The following ATG7 variants were observed in gnomAD, a reference collection of about 807,000 sequenced individuals.
ATG7 encodes ubiquitin-like modifier-activating enzyme ATG7.
ATG7 carries 70 observed loss-of-function variants against 82.4 expected under a neutral mutation model. That is an observed-to-expected ratio of 0.85 (90% CI 0.70 to 1.04). The LOEUF (loss-of-function observed/expected upper bound fraction) is 1.04, where lower values mean the gene tolerates loss of function less well. ATG7 is among the 50% of genes least tolerant of loss of function. The probability of loss-of-function intolerance (pLI) is 0.00; values close to 1 mark genes in which losing one functional copy is unlikely to be tolerated. For synonymous variants in ATG7, 287 were observed against 313.0 expected (o/e 0.92, Z 0.88); for missense variants, 792 against 864.3 (o/e 0.92, Z 1.05).
intron 19 of ATG7, among the ~76,000 whole-genome samples, chr3:11,418,737 C>T (rs1056435601): frequency 2.6e-5 from 4 of 152,170 alleles, no homozygotes; most frequent in Admixed American, 6.5e-5. Flanking sequence ...TTTCACACTA[C>T]TATCAAGAAC....
intron 20 of ATG7, among the ~76,000 whole-genome samples, chr3:11,539,994 T>C (rs2070690852): frequency 6.6e-6 from 1 of 152,250 alleles, no homozygotes; most frequent in Non-Finnish European, 1.5e-5. Flanking sequence ...TTGGGTTGTT[T>C]CTAGTTTGGA....
chr3:11,549,407 G>A (rs936907008), intron 20 of ATG7, among the ~76,000 whole-genome samples: 5 of 152,156 alleles, frequency 3.3e-5, no homozygotes, highest in Admixed American at 1.3e-4. Flanking sequence ...GTACAGTCCA[G>A]CATGATTAAC....
chr3:11,329,043 C>T (rs951608179), intron 9 of ATG7, among the ~76,000 whole-genome samples: 4 of 152,134 alleles, frequency 2.6e-5, no homozygotes, highest in African/African-American at 4.8e-5. Flanking sequence ...TGCAGTGAGC[C>T]GAGATCGTGC....
intron 20 of ATG7, among the ~76,000 whole-genome samples, chr3:11,440,830 T>C (rs2083869408): frequency 6.6e-6 from 1 of 151,762 alleles, no homozygotes; most frequent in African/African-American, 2.4e-5. Flanking sequence ...ATTACAGGCA[T>C]CTGCTACCAT....
intron 1 of ATG7, among the ~76,000 whole-genome samples, chr3:11,273,487 T>TA (rs1223409734): frequency 6.6e-6 from 1 of 152,222 alleles, no homozygotes; most frequent in Non-Finnish European, 1.5e-5. Context: ...TGAAAGCTGC[T>TA]AGTTTGTCTT....
At position 11,527,092 on chromosome 3, in the gene ATG7, T is replaced by C. The variant is rs867126115; in HGVS notation, c.2080-27719T>C. 1.7e-3 allele frequency among the ~76,000 whole-genome samples: 246 copies of C among 142,230 alleles called. 3 individuals are homozygous for C. The Middle Eastern group carries it at 0.036, about 21-fold the overall frequency. The allele number at this position is 142,230 out of a possible 152,430, so 93.3% of individuals were successfully genotyped here. On this transcript the variant is annotated intron_variant, in intron 20 of 20. Transcript: ENST00000693202. ...GTGTGTATATATATATATATATATATACATACATATACATATACACACATT... is the reference window on the plus strand; with the variant it reads ...GTGTGTATATATATATATATATATACACATACATATACATATACACACATT...
chr3:11,349,170 G>T (rs556334934), intron 14 of ATG7, among the ~76,000 whole-genome samples: 2 of 152,244 alleles, frequency 1.3e-5, no homozygotes, highest in South Asian at 4.1e-4. Context: ...GACACACAGC[G>T]CTGATTGGTG....
chr3:11,444,646 C>G (rs2084344164), intron 20 of ATG7, among the ~76,000 whole-genome samples: 1 of 152,142 alleles, frequency 6.6e-6, no homozygotes. Context: ...GCCCTTACTT[C>G]TGGACATAGG....
intron 20 of ATG7, among the ~76,000 whole-genome samples, chr3:11,447,555 T>C (rs1046882650): frequency 1.3e-5 from 2 of 152,172 alleles, no homozygotes; most frequent in Admixed American, 6.5e-5. Flanking sequence ...GGGCATTTAG[T>C]GTCAAGACCA....
intron 20 of ATG7, among the ~76,000 whole-genome samples, chr3:11,451,906 C>G (rs1373307930): frequency 1.2e-4 from 18 of 150,854 alleles, no homozygotes; most frequent in Non-Finnish European, 2.7e-4. Flanking sequence ...CACACAGACA[C>G]ACACACACAC....
intron 20 of ATG7, among the ~76,000 whole-genome samples, chr3:11,464,631 A>G (rs2086653876): frequency 6.6e-6 from 1 of 152,230 alleles, no homozygotes; most frequent in African/African-American, 2.4e-5. Context: ...TAATTATACC[A>G]TTTAATTAAA....
chr3:11,533,219 CA>C (rs3214900), intron 20 of ATG7, among the ~76,000 whole-genome samples: 36,726 of 152,058 alleles, frequency 0.24, 4,846 homozygotes, highest in African/African-American at 0.34. Flanking sequence ...TGCTGACCCC[CA>C]AGCCCTCCTC....
chr3:11,409,818 G>A lies in ATG7; in HGVS notation c.1957-16986G>A, dbSNP rs567029167. On this transcript the variant is annotated intron_variant, in intron 19 of 20. Coordinates refer to ENST00000693202, the MANE Select transcript of ATG7 (RefSeq NM_001349232.2). ...TGTGGTTGTCCAGTTGCTACAGCAC[G>A]ATTTGTTGAACAGATTATCTTTTCT... Among the ~76,000 whole-genome samples the A allele has an allele frequency of 7.3e-5, 11 of 150,684 alleles. 1 individual carries two copies. The highest frequency in any genetic ancestry group is 2.2e-4 in the African/African-American group (9 of 40,980).
At chr3:11,326,820 C>G (rs1318697415) in intron 9 of ATG7, among the ~76,000 whole-genome samples, 1 of 152,160 alleles carries the variant, frequency 6.6e-6, no homozygotes, top group Non-Finnish European at 1.5e-5. Flanking sequence ...GACTGGAAAT[C>G]TTGTTCTCAG....
chr3:11,497,597 C>T (rs2090957444), intron 20 of ATG7, among the ~76,000 whole-genome samples: 1 of 150,152 alleles, frequency 6.7e-6, no homozygotes, highest in Non-Finnish European at 1.5e-5. Context: ...AGTCTTTACC[C>T]TATCTCACTT....
intron 19 of ATG7, among the ~76,000 whole-genome samples, chr3:11,414,708 A>G (rs1009071391): frequency 1.3e-5 from 2 of 152,090 alleles, no homozygotes; most frequent in African/African-American, 4.8e-5. Flanking sequence ...GATTTTGTGG[A>G]TGTTCTTTAT....
chr3:11,464,199 C>T (rs528899133), intron 20 of ATG7, among the ~76,000 whole-genome samples: 14 of 152,078 alleles, frequency 9.2e-5, no homozygotes, highest in Non-Finnish European at 1.5e-4. Flanking sequence ...TGGTGAAACC[C>T]CATCTCTACA....
intron 20 of ATG7, among the ~76,000 whole-genome samples, chr3:11,506,581 AAAAC>A (rs1185436666): frequency 0.014 from 193 of 14,026 alleles, 13 homozygotes; most frequent in African/African-American, 0.05. Context: ...AAAAAAAAAA[AAAAC>A]CCAAAAATTA....
chr3:11,300,780 A>G (rs1946667184), intron 5 of ATG7, among the ~76,000 whole-genome samples: 1 of 152,222 alleles, frequency 6.6e-6, no homozygotes, highest in Non-Finnish European at 1.5e-5. Context: ...ACAGTATTCA[A>G]TAAATTACCT....
Sources: allele counts gnomAD v4.1 joint callset (sites outside exome capture counted in the v4.1 genomes callset), GRCh38; gene constraint gnomAD v4.1.1; transcripts MANE v1.5; gene names NCBI Gene and HGNC (gene_info 2026-07-23, HGNC 2026-07-21).